The following KSR2 variants were observed in gnomAD, a reference collection of about 807,000 sequenced individuals.
KSR2 encodes kinase suppressor of ras 2.
KSR2 carries 25 observed loss-of-function variants against 107.8 expected under a neutral mutation model. The observed-to-expected ratio is 0.23, with a 90% confidence interval of 0.17 to 0.32. KSR2 has a LOEUF of 0.32. Among genes scored for constraint, KSR2 ranks in the 10% least tolerant of loss-of-function variants. KSR2 has a pLI of 1.00. For synonymous variants in KSR2, 480 were observed against 507.0 expected (o/e 0.95, Z 0.71); for missense variants, 887 against 1,268.9 (o/e 0.70, Z 4.57).
intron 7 of KSR2, among the ~76,000 whole-genome samples, chr12:117,576,022 C>G (rs1879264048): frequency 6.6e-6 from 1 of 152,184 alleles, no homozygotes; most frequent in Admixed American, 6.5e-5. Flanking sequence ...AGCTTACCCC[C>G]CCACCCTATC....
In KSR2 at chr12:117,706,572, C is replaced by G. The variant is rs148596666; in HGVS notation, c.987-38914G>C. On this transcript the variant is annotated intron_variant, in intron 4 of 19. Coordinates refer to ENST00000339824, the MANE Select transcript of KSR2 (RefSeq NM_173598.6). Reference sequence around the variant, plus strand: ...AAATGTAGACAGACAGAAAGCCGATCAGTGGTTGCCTGGAGCTCTGCTGGA... The same window carrying G: ...AAATGTAGACAGACAGAAAGCCGATGAGTGGTTGCCTGGAGCTCTGCTGGA... Among the ~76,000 whole-genome samples, 513 of 152,120 alleles carry G rather than the reference C, an allele frequency of 3.4e-3. 6 individuals carry two copies. The highest frequency in any genetic ancestry group is 3.4e-3 in the Non-Finnish European group (232 of 68,008).
intron 5 of KSR2, among the ~76,000 whole-genome samples, chr12:117,646,973 CAGGGAG>C (rs1339265621): frequency 3.3e-5 from 5 of 151,890 alleles, no homozygotes. Flanking sequence ...GAGAAAGAGC[CAGGGAG>C]AGGCAGAGAC....
At chr12:117,942,502 T>G (rs1263547564) in intron 1 of KSR2, among the ~76,000 whole-genome samples, 1 of 151,016 alleles carries the variant, frequency 6.6e-6, no homozygotes, top group East Asian at 1.9e-4. Flanking sequence ...TCTTTTTTTT[T>G]TTTTGAGACA....
intron 3 of KSR2, among the ~76,000 whole-genome samples, chr12:117,798,403 C>A (rs953409718): frequency 6.6e-6 from 1 of 152,150 alleles, no homozygotes; most frequent in African/African-American, 2.4e-5. Flanking sequence ...GAGGCCAAGG[C>A]AGGCGGATCA....
intron 7 of KSR2, among the ~76,000 whole-genome samples, chr12:117,565,033 C>T (rs779912122): frequency 2.6e-5 from 4 of 152,108 alleles, no homozygotes; most frequent in African/African-American, 9.7e-5. Flanking sequence ...ATGGGAACTG[C>T]GGGGGACAAA....
rs752934715 is a variant in KSR2, at chr12:117,855,508, A to G, written c.392T>C (p.Val131Ala). The G allele has an allele frequency of 6.2e-7, 1 of 1,613,890 alleles. No individual in the cohort carries two copies. The highest frequency in any genetic ancestry group is 1.1e-5 in the South Asian group (1 of 91,064). ...CTCCCGGTTGGCTCCGTATTTCTCC[A>G]CAGTCTCGCACACCTGTTCATCCGT... Reference protein sequence around the residue: ...EMTDEQVCETVEKYGANREEC... With the variant: ...EMTDEQVCETAEKYGANREEC... Residue 131 changes from valine (V) to alanine (A), a missense_variant, in exon 3 of 20, where the codon GTG (valine) becomes GCG (alanine). By Grantham distance (64) the Val-to-Ala change is moderately conservative. Transcript: ENST00000339824.
chr12:117,725,138 A>C (rs1403328653), intron 4 of KSR2, among the ~76,000 whole-genome samples: 1 of 151,986 alleles, frequency 6.6e-6, no homozygotes, highest in Non-Finnish European at 1.5e-5. Flanking sequence ...ATGGCAAAGG[A>C]GGTAGACTGC....
At chr12:117,472,350 C>T (rs1047118685) in intron 17 of KSR2, among the ~76,000 whole-genome samples, 2 of 152,134 alleles carry the variant, frequency 1.3e-5, no homozygotes, top group African/African-American at 4.8e-5. Context: ...CCAGGTGGTG[C>T]ATAAATGATG....
chr12:117,567,562 T>C (rs528831759), intron 7 of KSR2, among the ~76,000 whole-genome samples: 30 of 151,846 alleles, frequency 2.0e-4, no homozygotes, highest in African/African-American at 6.8e-4. Flanking sequence ...AAACTTGCAA[T>C]TAAAGGGCAG....
At chr12:117,688,659 G>T (rs1045503410) in intron 4 of KSR2, among the ~76,000 whole-genome samples, 3 of 152,184 alleles carry the variant, frequency 2.0e-5, no homozygotes, top group Non-Finnish European at 4.4e-5. Context: ...AGACTCTAAG[G>T]CCTGAAGGTT....
chr12:117,745,986 C>G (rs1004090521), intron 4 of KSR2, among the ~76,000 whole-genome samples: 5 of 152,114 alleles, frequency 3.3e-5, no homozygotes, highest in African/African-American at 1.2e-4. Flanking sequence ...GAATCAATAT[C>G]ATGAACATGA....
Position 117,454,052 on chromosome 12 carries a change from C to CTATTCTAG in KSR2, c.*13139_*13146dup, listed in dbSNP as rs1870472631. On this transcript the variant is annotated 3_prime_UTR_variant, in exon 20 of 20. Coordinates refer to ENST00000339824, the MANE Select transcript of KSR2 (RefSeq NM_173598.6). ...TAAATGGGTAACACCCACCACCTCGCTATTCTAGTCCCTTATTTTTCAGGA... is the reference window on the plus strand; with the variant it reads ...TAAATGGGTAACACCCACCACCTCGCTATTCTAGTATTCTAGTCCCTTATTTTTCAGGA... The CTATTCTAG allele has an allele frequency of 6.6e-6, 1 of 152,162 alleles. No individual in the cohort carries two copies. Among genetic ancestry groups the CTATTCTAG allele is most frequent in the Admixed American group, 6.5e-5 (1 of 15,284 alleles). 9.4% of individuals were successfully genotyped at this position (152,162 alleles called of 1,614,324 possible). A position where few individuals can be genotyped will look rare whatever the true frequency, so the allele number is the denominator to read the frequency against.
chr12:117,716,878 A>T (rs1177239382), intron 4 of KSR2, among the ~76,000 whole-genome samples: 1 of 152,248 alleles, frequency 6.6e-6, no homozygotes, highest in Non-Finnish European at 1.5e-5. Flanking sequence ...GCTCTTCTGT[A>T]ATGAGATTTT....
intron 5 of KSR2, among the ~76,000 whole-genome samples, chr12:117,649,211 C>A (rs1883782955): frequency 6.6e-6 from 1 of 152,194 alleles, no homozygotes; most frequent in African/African-American, 2.4e-5. Context: ...TTTCCCAACT[C>A]CTGGACCAGA....
intron 14 of KSR2, among the ~76,000 whole-genome samples, chr12:117,510,135 C>T (rs776632283): frequency 6.6e-6 from 1 of 152,206 alleles, no homozygotes; most frequent in Non-Finnish European, 1.5e-5. Context: ...CTTATGTATA[C>T]TTGCTTTGAC....
intron 3 of KSR2, among the ~76,000 whole-genome samples, chr12:117,823,987 A>G (rs1891650089): frequency 6.6e-6 from 1 of 152,232 alleles, no homozygotes; most frequent in African/African-American, 2.4e-5. Context: ...TAGCCAAAAT[A>G]TGGACACAAC....
At chr12:117,785,510 A>C (rs1665172) in intron 3 of KSR2, among the ~76,000 whole-genome samples, 1 of 151,370 alleles carries the variant, frequency 6.6e-6, no homozygotes, top group African/African-American at 2.4e-5. Context: ...ACTTTAAAGC[A>C]GGCATTATGA....
intron 16 of KSR2, among the ~76,000 whole-genome samples, chr12:117,480,028 A>G (rs816263): frequency 0.57 from 85,443 of 148,992 alleles, 27,896 homozygotes; most frequent in East Asian, 0.95. Flanking sequence ...ACACATGTGT[A>G]TGTGTGTGTG....
chr12:117,650,882 A>T (rs1358032563), intron 5 of KSR2, among the ~76,000 whole-genome samples: 1 of 152,206 alleles, frequency 6.6e-6, no homozygotes, highest in East Asian at 1.9e-4. Flanking sequence ...AGTGAGTCTT[A>T]TCTCCTGTAG....
Sources: gnomAD v4.1 joint callset for allele counts (sites outside exome capture counted in the v4.1 genomes callset) on GRCh38, gnomAD v4.1.1 for gene constraint, MANE v1.5 for transcripts, NCBI Gene and HGNC (gene_info 2026-07-23, HGNC 2026-07-21) for gene names.